The following SYNDIG1L variants were observed in gnomAD, a reference collection of about 807,000 sequenced individuals.
SYNDIG1L encodes the protein synapse differentiation inducing 1 like.
A neutral mutation model predicts 20.1 loss-of-function variants in SYNDIG1L; 13 were observed. That is an observed-to-expected ratio of 0.65 (90% CI 0.42 to 1.03). SYNDIG1L has a LOEUF of 1.03. SYNDIG1L is among the 50% of genes least tolerant of loss of function. The pLI is 0.00. For synonymous variants in SYNDIG1L, 128 were observed against 129.3 expected, an observed-to-expected ratio of 0.99 and a Z score of 0.07; for missense variants, 294 against 305.1, an observed-to-expected ratio of 0.96 and a Z score of 0.27.
the SYNDIG1L span, among the ~76,000 whole-genome samples, chr14:74,457,461 T>G: frequency 6.6e-6 from 1 of 151,990 alleles, no homozygotes; most frequent in Admixed American, 6.6e-5. Flanking sequence ...TCTCTGGGCC[T>G]CCCGCACCCT....
chr14:74,418,876 A>G (rs2086198719), intron 1 of SYNDIG1L, among the ~76,000 whole-genome samples: 1 of 152,208 alleles, frequency 6.6e-6, no homozygotes, highest in East Asian at 1.9e-4. Flanking sequence ...TCTGTCACCA[A>G]GTGACCTCTG....
chr14:74,416,459 C>T (rs1449963630), intron 1 of SYNDIG1L, among the ~76,000 whole-genome samples: 2 of 152,036 alleles, frequency 1.3e-5, no homozygotes, highest in African/African-American at 2.4e-5. Flanking sequence ...TATAATGAAA[C>T]CCCATCTCTA....
chr14:74,432,454 G>A, the SYNDIG1L span, among the ~76,000 whole-genome samples: 50 of 152,310 alleles, frequency 3.3e-4, no homozygotes, highest in Admixed American at 5.9e-4. Flanking sequence ...ACTGTGCTAT[G>A]ATGGCAGGGC....
the SYNDIG1L span, among the ~76,000 whole-genome samples, chr14:74,432,591 C>A: frequency 2.0e-5 from 3 of 152,206 alleles, no homozygotes; most frequent in Non-Finnish European, 4.4e-5. Flanking sequence ...TGAGGTGGCT[C>A]ACGCCTGTAA....
At chr14:74,465,615 T>C in the SYNDIG1L span, among the ~76,000 whole-genome samples, 22 of 152,108 alleles carry the variant, frequency 1.4e-4, no homozygotes, top group African/African-American at 5.3e-4. Flanking sequence ...GGGTGGGTGA[T>C]GGGTGACCCC....
At chr14:74,457,770 G>T in the SYNDIG1L span, among the ~76,000 whole-genome samples, 5 of 151,816 alleles carry the variant, frequency 3.3e-5, no homozygotes, top group Non-Finnish European at 7.4e-5. Flanking sequence ...ATTGAAAAGG[G>T]GTCTGCTGTT....
chr14:74,471,409 C>A, the SYNDIG1L span, among the ~76,000 whole-genome samples: 1 of 152,078 alleles, frequency 6.6e-6, no homozygotes, highest in Non-Finnish European at 1.5e-5. Flanking sequence ...CCAGCCTGAG[C>A]AACATGGCAA....
chr14:74,450,990 G>A, the SYNDIG1L span, among the ~76,000 whole-genome samples: 21 of 152,160 alleles, frequency 1.4e-4, no homozygotes, highest in African/African-American at 5.1e-4. Context: ...TTGTTTAGAT[G>A]TCAGTATCCC....
the SYNDIG1L span, among the ~76,000 whole-genome samples, chr14:74,477,025 C>G: frequency 6.9e-6 from 1 of 145,424 alleles, no homozygotes; most frequent in African/African-American, 2.5e-5. Context: ...CTGTCTCCCC[C>G]CAGCCCCATT....
At chr14:74,473,902 T>C in the SYNDIG1L span, 1 of 152,228 alleles carries the variant, frequency 6.6e-6, no homozygotes, top group Non-Finnish European at 1.5e-5. Flanking sequence ...ATTACAGTCC[T>C]GTTTTGCAGT....
chr14:74,414,061 G>C (rs1249493241), intron 1 of SYNDIG1L, among the ~76,000 whole-genome samples: 1 of 152,120 alleles, frequency 6.6e-6, no homozygotes, highest in Non-Finnish European at 1.5e-5. Context: ...CCATTCCTTG[G>C]GTCTGCCTCT....
At chr14:74,479,902 T>G in the SYNDIG1L span, 1 of 1,095,562 alleles carries the variant, frequency 9.1e-7, no homozygotes, top group Non-Finnish European at 1.2e-6. Flanking sequence ...TCTAGCAGAA[T>G]GTACCCTGAA....
chr14:74,435,082 C>CAAAAAAAA, the SYNDIG1L span, among the ~76,000 whole-genome samples: 2 of 54,974 alleles, frequency 3.6e-5, no homozygotes, highest in African/African-American at 1.4e-4. Context: ...GACTCCGTCT[C>CAAAAAAAA]AAAAAAAAAA....
chr14:74,443,057 GA>G, the SYNDIG1L span, among the ~76,000 whole-genome samples: 2 of 152,300 alleles, frequency 1.3e-5, no homozygotes, highest in South Asian at 4.1e-4. Context: ...CAAATTTGGG[GA>G]AAATTAGCAC....
the SYNDIG1L span, among the ~76,000 whole-genome samples, chr14:74,437,359 C>T: frequency 6.6e-6 from 1 of 152,200 alleles, no homozygotes; most frequent in East Asian, 1.9e-4. Flanking sequence ...ACAGTGGAGA[C>T]TTGTGGCTTA....
chr14:74,462,351 G>A, the SYNDIG1L span, among the ~76,000 whole-genome samples: 1 of 151,694 alleles, frequency 6.6e-6, no homozygotes, highest in Non-Finnish European at 1.5e-5. Context: ...AGGTGTGGTG[G>A]TGCACGCCTG....
the SYNDIG1L span, among the ~76,000 whole-genome samples, chr14:74,432,214 G>C: frequency 6.7e-6 from 1 of 148,724 alleles, no homozygotes; most frequent in African/African-American, 2.5e-5. Context: ...GGAGAAGAAG[G>C]GATAAGCCAA....
At chr14:74,458,190 G>A in the SYNDIG1L span, among the ~76,000 whole-genome samples, 3 of 152,120 alleles carry the variant, frequency 2.0e-5, no homozygotes, top group South Asian at 2.1e-4. Flanking sequence ...AGGACTGAGT[G>A]AGAAAATAAT....
At chr14:74,479,125 A>C in the SYNDIG1L span, 1 of 152,208 alleles carries the variant, frequency 6.6e-6, no homozygotes, top group African/African-American at 2.4e-5. Flanking sequence ...GGATACACAA[A>C]AGATCTTAGG....
Sources: allele counts gnomAD v4.1 joint callset (sites outside exome capture counted in the v4.1 genomes callset), GRCh38; gene constraint gnomAD v4.1.1; transcripts MANE v1.5; gene names NCBI Gene and HGNC (gene_info 2026-07-23, HGNC 2026-07-21).